The following KCNH5 variants were observed in gnomAD, a reference collection of about 807,000 sequenced individuals.
KCNH5 encodes voltage-gated delayed rectifier potassium channel KCNH5.
In KCNH5, 46 loss-of-function variants were observed where a neutral mutation model predicts 96.1. That is an observed-to-expected ratio of 0.48 (90% CI 0.38 to 0.61). The LOEUF (loss-of-function observed/expected upper bound fraction) is 0.61. KCNH5 is among the 20% of genes least tolerant of loss of function. KCNH5 has a pLI of 0.00. For missense variants in KCNH5, 907 were observed against 1,225.8 expected (o/e 0.74, Z 3.88); for synonymous variants, 439 against 449.8 (o/e 0.98, Z 0.30).
At chr14:62,894,395 T>G (rs1174255654) in intron 7 of KCNH5, among the ~76,000 whole-genome samples, 1 of 152,214 alleles carries the variant, frequency 6.6e-6, no homozygotes, top group African/African-American at 2.4e-5. Context: ...TAGTAAATAA[T>G]AAACACTGTC....
chr14:62,988,708 G>T (rs538481552), intron 4 of KCNH5, among the ~76,000 whole-genome samples: 4 of 151,894 alleles, frequency 2.6e-5, no homozygotes, highest in Non-Finnish European at 5.9e-5. Flanking sequence ...AAAAAAAAAG[G>T]GTATTAGATA....
At chr14:62,781,944 C>T (rs1392284057) in intron 9 of KCNH5, among the ~76,000 whole-genome samples, 2 of 152,140 alleles carry the variant, frequency 1.3e-5, no homozygotes, top group Non-Finnish European at 2.9e-5. Context: ...ATCTTTACAA[C>T]TTATGCTTAG....
At chr14:62,718,177 C>T (rs1189960285) in intron 10 of KCNH5, among the ~76,000 whole-genome samples, 1 of 152,056 alleles carries the variant, frequency 6.6e-6, no homozygotes, top group African/African-American at 2.4e-5. Flanking sequence ...TTTTTCACTA[C>T]CCAATATTGG....
Position 62,705,098 on chromosome 14 carries a change from A to G in KCNH5, c.*2410T>C, listed in dbSNP as rs1409338488. On this transcript the variant is annotated 3_prime_UTR_variant, in exon 11 of 11. Coordinates refer to ENST00000322893, the MANE Select transcript of KCNH5 (RefSeq NM_139318.5). ...TCCCTCCTTCCTAACAATCTGGAGTAATTCAAAACCATTATGTTTCTCACA... is the reference window on the plus strand; with the variant it reads ...TCCCTCCTTCCTAACAATCTGGAGTGATTCAAAACCATTATGTTTCTCACA... The G allele has an allele frequency of 2.6e-5, 4 of 152,002 alleles. No individual in the cohort carries two copies. The highest frequency in any genetic ancestry group is 5.9e-5 in the Non-Finnish European group (4 of 67,874). 9.4% of individuals were successfully genotyped at this position (152,002 alleles called of 1,614,324 possible).
In KCNH5 at chr14:62,703,761, T is replaced by C. The variant is rs1325382906; in HGVS notation, c.*3747A>G. The stretch of plus-strand genomic sequence containing the variant: ...ATAAAATATTCATATTTGAAAGTTA[T>C]CCATGTATGATATGCACATTCTAGA... On this transcript the variant is annotated 3_prime_UTR_variant, in exon 11 of 11. Transcript: ENST00000322893. 6.6e-6 allele frequency: 1 copy of C among 151,934 alleles called. No homozygotes were observed. Among genetic ancestry groups the C allele is most frequent in the Non-Finnish European group, 1.5e-5 (1 of 67,816 alleles). The allele number at this position is 151,934 out of a possible 1,614,324, so 9.4% of individuals were successfully genotyped here. A position where few individuals can be genotyped will look rare whatever the true frequency, so the allele number is the denominator to read the frequency against.
At chr14:62,726,618 A>C (rs1254579794) in intron 10 of KCNH5, among the ~76,000 whole-genome samples, 1 of 152,172 alleles carries the variant, frequency 6.6e-6, no homozygotes, top group Non-Finnish European at 1.5e-5. Flanking sequence ...AATGAAAAAA[A>C]AAAATAGAAA....
intron 7 of KCNH5, among the ~76,000 whole-genome samples, chr14:62,900,742 C>T (rs778347783): frequency 6.6e-6 from 1 of 150,980 alleles, no homozygotes; most frequent in African/African-American, 2.4e-5. Flanking sequence ...AAGAAGAAAA[C>T]AAAGATATGA....
chr14:63,038,983 A>C (rs1026335005), intron 1 of KCNH5, among the ~76,000 whole-genome samples: 2 of 151,352 alleles, frequency 1.3e-5, no homozygotes, highest in Non-Finnish European at 2.9e-5. Context: ...TACTTTCTAG[A>C]ACACTACTTT....
intron 10 of KCNH5, among the ~76,000 whole-genome samples, chr14:62,734,600 G>T (rs7154077): frequency 0.019 from 2,919 of 151,988 alleles, 88 homozygotes; most frequent in African/African-American, 0.067. Context: ...ACATACACTA[G>T]CATTATGCCT....
chr14:62,982,882 T>A (rs1172973062), intron 5 of KCNH5, among the ~76,000 whole-genome samples: 3 of 152,232 alleles, frequency 2.0e-5, no homozygotes, highest in Non-Finnish European at 4.4e-5. Context: ...TTTCCCATGA[T>A]GTCTTAAATT....
At chr14:62,897,381 T>C (rs1052932584) in intron 7 of KCNH5, among the ~76,000 whole-genome samples, 2 of 152,194 alleles carry the variant, frequency 1.3e-5, no homozygotes, top group African/African-American at 4.8e-5. Context: ...AGGTCAGGTA[T>C]TGTAAGGCAA....
At chr14:62,951,472 A>G (rs960155044) in intron 6 of KCNH5, among the ~76,000 whole-genome samples, 3 of 152,208 alleles carry the variant, frequency 2.0e-5, no homozygotes, top group Non-Finnish European at 2.9e-5. Flanking sequence ...CCTCTCATGC[A>G]GTCATTACCT....
intron 2 of KCNH5, 39 bp from the exon 3 acceptor site, chr14:63,006,511 G>T: frequency 8.3e-7 from 1 of 1,202,294 alleles, no homozygotes; most frequent in Non-Finnish European, 1.2e-6. Context: ...TTTCACTTTT[G>T]TGTTGCCTTT....
chr14:62,994,685 G>A (rs542412077), intron 4 of KCNH5, among the ~76,000 whole-genome samples: 1 of 152,158 alleles, frequency 6.6e-6, no homozygotes, highest in African/African-American at 2.4e-5. Flanking sequence ...GCAAGGGATT[G>A]AGGTAGTTAA....
At chr14:62,735,797 G>T (rs896068309) in intron 10 of KCNH5, among the ~76,000 whole-genome samples, 5 of 151,892 alleles carry the variant, frequency 3.3e-5, no homozygotes, top group African/African-American at 1.2e-4. Flanking sequence ...ACAAAAAAAT[G>T]GTTATTAGGA....
At chr14:62,917,354 G>GT (rs200737675) in intron 7 of KCNH5, among the ~76,000 whole-genome samples, 2,002 of 134,656 alleles carry the variant, frequency 0.015, 14 homozygotes, top group African/African-American at 0.031. Flanking sequence ...GGTTTGTTAG[G>GT]TTTTTTTTTT....
Position 62,708,431 on chromosome 14 carries a change from C to T in KCNH5, c.2044G>A (p.Val682Met), listed in dbSNP as rs752376059. 3 of 1,599,860 alleles carry T rather than the reference C, an allele frequency of 1.9e-6. No individual in the cohort carries two copies. Among genetic ancestry groups the T allele is most frequent in the East Asian group, 4.5e-5 (2 of 44,726 alleles). ...AGGCGCTCCTCCTCCTCTTTCTTCA[C>T]ATCACTGATCTTACGAAAGATGATC... ...KRIIFRKISD[V>M]KKEEEERLRQ... is the part of the protein sequence containing the mutation. The change falls in exon 11 of 11, where the codon GTG becomes ATG. Residue 682 changes from valine (V) to methionine (M), a missense_variant. Coordinates refer to ENST00000322893, the MANE Select transcript of KCNH5 (RefSeq NM_139318.5).
chr14:62,841,489 T>C (rs2140037513), intron 8 of KCNH5, among the ~76,000 whole-genome samples: 1 of 152,168 alleles, frequency 6.6e-6, no homozygotes. Flanking sequence ...GGTTTAATTT[T>C]TCCCCAAAGT....
At chr14:63,038,629 T>A (rs1299900474) in intron 1 of KCNH5, among the ~76,000 whole-genome samples, 1 of 152,074 alleles carries the variant, frequency 6.6e-6, no homozygotes, top group Non-Finnish European at 1.5e-5. Context: ...AAAACTACTA[T>A]CTAGAATGTA....
Sources: allele counts gnomAD v4.1 joint callset (sites outside exome capture counted in the v4.1 genomes callset), GRCh38; gene constraint gnomAD v4.1.1; transcripts MANE v1.5; gene names NCBI Gene and HGNC (gene_info 2026-07-23, HGNC 2026-07-21).